Variants in ERVK3-1 observed in about 807,000 individuals in gnomAD.
ERVK3-1 encodes HERV-K(HML6-1).
At position 58,310,211 on chromosome 19, in the gene ERVK3-1, A is replaced by AT. The variant is rs2051547420; in HGVS notation, c.-3-1954dup. Reference sequence around the variant, plus strand: ...ATTAATATTGTCTGTAATTCAGCCTATGTCGTAAATGTAGCTAGTTGCATT... The same window carrying AT: ...ATTAATATTGTCTGTAATTCAGCCTATTGTCGTAAATGTAGCTAGTTGCATT... On this transcript the variant is annotated intron_variant, in intron 2 of 3. Coordinates refer to ENST00000413518, the Ensembl canonical transcript of ERVK3-1. The surrounding 1 kb of genome is among the most constrained non-coding windows in gnomAD (Gnocchi z 4.7). The AT allele has an allele frequency of 6.6e-6, 1 of 152,282 alleles. No homozygotes were observed. The highest frequency in any genetic ancestry group is 2.1e-4 in the South Asian group (1 of 4,834). The allele number at this position is 152,282 out of a possible 1,614,324, so 9.4% of individuals were successfully genotyped here.
chr19:58,307,810 C>G (rs2051534052), intron 2 of ERVK3-1, among the ~76,000 whole-genome samples: 3 of 152,230 alleles, frequency 2.0e-5, no homozygotes, highest in Admixed American at 1.3e-4. Flanking sequence ...AGGCCACAAC[C>G]CTGCTACAGG....
intron 1 of ERVK3-1, among the ~76,000 whole-genome samples, 156 bp from the exon 2 acceptor site, chr19:58,305,932 C>G (rs373445682): frequency 1.3e-5 from 2 of 152,228 alleles, no homozygotes; most frequent in Non-Finnish European, 2.9e-5. Context: ...GTCAGTTACC[C>G]TTTCCTCCCT....
chr19:58,309,919 G>A (rs888029028), intron 2 of ERVK3-1: 14 of 152,146 alleles, frequency 9.2e-5, no homozygotes, highest in Admixed American at 2.0e-4. Flanking sequence ...AATCACTTTC[G>A]CAGATTTTGT....
At position 58,310,837 on chromosome 19, in the gene ERVK3-1, A is replaced by G. The variant is rs546126611; in HGVS notation, c.-3-1329A>G. 5.1e-6 allele frequency: 2 copies of G among 391,402 alleles called. No individual in the cohort carries two copies. The highest frequency in any genetic ancestry group is 2.5e-5 in the Admixed American group (1 of 39,240). The allele number at this position is 391,402 out of a possible 1,614,324, so 24.2% of individuals were successfully genotyped here. A position where few individuals can be genotyped will look rare whatever the true frequency, so the allele number is the denominator to read the frequency against. The stretch of plus-strand genomic sequence containing the variant: ...CCCAGGGAAAGGGAGACCGCCCCCC[A>G]CCCTTTCCCGGTCTGCTAAGTAGCG... On this transcript the variant is annotated intron_variant, in intron 2 of 3. Transcript: ENST00000413518. This position sits in a 1 kb window ranked among gnomAD's most constrained non-coding sequence, Gnocchi z 4.7.
chr19:58,316,290 T>A (rs1432106508), downstream of ERVK3-1, among the ~76,000 whole-genome samples: 1 of 151,982 alleles, frequency 6.6e-6, no homozygotes, highest in Non-Finnish European at 1.5e-5. Flanking sequence ...GTAGAGAGGG[T>A]CTTTTACCCC....
At position 58,312,011 on chromosome 19, in the gene ERVK3-1, G is replaced by A. The variant is rs1368275004; in HGVS notation, c.-3-155G>A. 7 of 396,286 alleles carry A rather than the reference G, an allele frequency of 1.8e-5. No homozygotes were observed. The highest frequency in any genetic ancestry group is 1.4e-4 in the South Asian group (1 of 7,000). 24.5% of individuals were successfully genotyped at this position (396,286 alleles called of 1,614,324 possible). A position where few individuals can be genotyped will look rare whatever the true frequency, so the allele number is the denominator to read the frequency against. On this transcript the variant is annotated intron_variant, in intron 2 of 3. Coordinates refer to ENST00000413518, the Ensembl canonical transcript of ERVK3-1. This position sits in a 1 kb window ranked among gnomAD's most constrained non-coding sequence, Gnocchi z 4.7. Reference sequence around the variant, plus strand: ...CTTTAAATTGTTTGACTCCTGGTACGGATGGCAAGACCCCAGCAGAACGAC... The same window carrying A: ...CTTTAAATTGTTTGACTCCTGGTACAGATGGCAAGACCCCAGCAGAACGAC...
rs1323246810 is a variant in ERVK3-1 at position 58,310,702 on chromosome 19, G to T, written c.-3-1464G>T. 1.0e-5 allele frequency: 2 copies of T among 193,698 alleles called. No homozygotes were observed. The highest frequency in any genetic ancestry group is 4.7e-5 in the African/African-American group (2 of 42,600). The allele number at this position is 193,698 out of a possible 1,614,324, so 12.0% of individuals were successfully genotyped here. A position where few individuals can be genotyped will look rare whatever the true frequency, so the allele number is the denominator to read the frequency against. On this transcript the variant is annotated intron_variant, in intron 2 of 3. Transcript: ENST00000413518. This position sits in a 1 kb window ranked among gnomAD's most constrained non-coding sequence, Gnocchi z 4.7. ...AAGGCGGACTAGGAGCGTGACCACT[G>T]AAGCACAGAATCACAGGGAGACGGT...
intron 3 of ERVK3-1, 131 bp from the exon 4 acceptor site, chr19:58,314,617 A>T (rs2051578460): frequency 3.1e-6 from 1 of 322,702 alleles, no homozygotes; most frequent in Non-Finnish European, 5.1e-6. Flanking sequence ...ACAGAGCGAG[A>T]CTCCATCTCA....
chr19:58,307,717 A>C (rs1320064148), intron 2 of ERVK3-1, among the ~76,000 whole-genome samples: 1 of 150,978 alleles, frequency 6.6e-6, no homozygotes, highest in Non-Finnish European at 1.5e-5. Context: ...AGTGTTGCTC[A>C]AAATTTCATC....
At chr19:58,306,381 T>G (rs1568532074) in intron 2 of ERVK3-1, 165 bp downstream of exon 2, 1 of 152,192 alleles carries the variant, frequency 6.6e-6, no homozygotes, top group Non-Finnish European at 1.5e-5. Flanking sequence ...TGCAGGAGGT[T>G]ATTACACATA....
chr19:58,314,220 A>G (rs2051575209), intron 3 of ERVK3-1, among the ~76,000 whole-genome samples: 2 of 152,188 alleles, frequency 1.3e-5, no homozygotes, highest in Admixed American at 1.3e-4. Context: ...TTTACATCCA[A>G]TATTACTTTT....
chr19:58,309,277 C>G (rs1388585679), intron 2 of ERVK3-1: 3 of 152,116 alleles, frequency 2.0e-5, no homozygotes, highest in Non-Finnish European at 4.4e-5. Context: ...AAGTATTATA[C>G]CAGTTATTCA....
chr19:58,308,148 A>G (rs2051536228), intron 2 of ERVK3-1, among the ~76,000 whole-genome samples: 1 of 152,246 alleles, frequency 6.6e-6, no homozygotes, highest in Non-Finnish European at 1.5e-5. Flanking sequence ...TATTCTCTGC[A>G]AATTACACCC....
At chr19:58,309,017 A>G (rs1285067260) in intron 2 of ERVK3-1, 1 of 152,192 alleles carries the variant, frequency 6.6e-6, no homozygotes, top group African/African-American at 2.4e-5. Context: ...TAGATCTTAA[A>G]GACTGTTTTT....
At chr19:58,305,424 C>T (rs976127617) in exon 1 of ERVK3-1, 3 of 152,442 alleles carry the variant, frequency 2.0e-5, no homozygotes, top group African/African-American at 7.2e-5. Flanking sequence ...CGGCTAGGCT[C>T]TCTGAGGAGG....
At position 58,312,500 on chromosome 19, in the gene ERVK3-1, C is replaced by T; in HGVS notation, c.294+38C>T. On this transcript the variant is annotated intron_variant, in intron 3 of 3. Transcript: ENST00000413518. The surrounding 1 kb of genome is among the most constrained non-coding windows in gnomAD (Gnocchi z 4.7). ...TGTGTAGAGGCAAAAACATATTGGG[C>T]ATATGTTCCTAACCCACTGGTAGTA... is the stretch of plus-strand genomic sequence containing the variant. 2.5e-6 allele frequency: 1 copy of T among 399,820 alleles called. No individual in the cohort carries two copies. Among genetic ancestry groups the T allele is most frequent in the Non-Finnish European group, 4.4e-6 (1 of 226,038 alleles). The allele number at this position is 399,820 out of a possible 1,614,324, so 24.8% of individuals were successfully genotyped here.
At chr19:58,305,751 C>T (rs1478228858) in intron 1 of ERVK3-1, among the ~76,000 whole-genome samples, 1 of 152,182 alleles carries the variant, frequency 6.6e-6, no homozygotes, top group African/African-American at 2.4e-5. Flanking sequence ...AAACTGTTCT[C>T]ATGAAAGCAG....
Position 58,312,515 on chromosome 19 carries a change from C to T in ERVK3-1, c.294+53C>T, listed in dbSNP as rs2051563021. The T allele has an allele frequency of 2.5e-6, 1 of 399,542 alleles. No individual in the cohort carries two copies. Among genetic ancestry groups the T allele is most frequent in the Non-Finnish European group, 4.4e-6 (1 of 226,090 alleles). The allele number at this position is 399,542 out of a possible 1,614,324, so 24.7% of individuals were successfully genotyped here. Reference sequence around the variant, plus strand: ...ACATATTGGGCATATGTTCCTAACCCACTGGTAGTACGACTGGTACTCTGG... The same window carrying T: ...ACATATTGGGCATATGTTCCTAACCTACTGGTAGTACGACTGGTACTCTGG... On this transcript the variant is annotated intron_variant, in intron 3 of 3. Coordinates refer to ENST00000413518, the Ensembl canonical transcript of ERVK3-1. This position sits in a 1 kb window ranked among gnomAD's most constrained non-coding sequence, Gnocchi z 4.7.
At chr19:58,305,945 T>G (rs1352388797) in intron 1 of ERVK3-1, 143 bp from the exon 2 acceptor site, 1 of 152,214 alleles carries the variant, frequency 6.6e-6, no homozygotes, top group Non-Finnish European at 1.5e-5. Context: ...TCCTCCCTAT[T>G]CAGTCTACCT....
Sources: allele counts gnomAD v4.1 joint callset (sites outside exome capture counted in the v4.1 genomes callset), GRCh38; gene constraint gnomAD v4.1.1; non-coding constraint Gnocchi (gnomAD v3.1); transcripts MANE v1.5; gene names NCBI Gene and HGNC (gene_info 2026-07-23, HGNC 2026-07-21).